Variants in SORBS2 observed in about 807,000 individuals in gnomAD.
SORBS2 encodes sorbin and SH3 domain containing 2.
In SORBS2, 46 loss-of-function variants were observed where a neutral mutation model predicts 97.7. That is an observed-to-expected ratio of 0.47 (90% CI 0.37 to 0.60). SORBS2 has a LOEUF of 0.60. Ranked by LOEUF, SORBS2 falls within the 20% of genes least tolerant of loss-of-function variation. SORBS2 has a pLI of 0.00. For missense variants in SORBS2, 1,316 were observed against 1,282.3 expected (o/e 1.03, Z -0.40); for synonymous variants, 476 against 473.4 (o/e 1.01, Z -0.07).
intron 2 of SORBS2, among the ~76,000 whole-genome samples, chr4:185,681,088 C>A (rs375889356): frequency 6.6e-6 from 1 of 152,064 alleles, no homozygotes; most frequent in Non-Finnish European, 1.5e-5. Flanking sequence ...GCCATTGAGT[C>A]GAACTTCAGG....
At chr4:185,926,465 A>G (rs1419820483) in intron 1 of SORBS2, among the ~76,000 whole-genome samples, 1 of 151,840 alleles carries the variant, frequency 6.6e-6, no homozygotes, top group African/African-American at 2.4e-5. Flanking sequence ...GAGGTGATGG[A>G]AACACTCATA....
At chr4:185,693,751 A>C (rs947751691) in intron 2 of SORBS2, among the ~76,000 whole-genome samples, 3 of 152,232 alleles carry the variant, frequency 2.0e-5, no homozygotes, top group Non-Finnish European at 4.4e-5. Context: ...ATCTGCTGAC[A>C]GACAATAATA....
In SORBS2 at chr4:185,611,762, G is replaced by T. The variant is rs151079975; in HGVS notation, c.2796+18C>A. 8.8e-6 allele frequency: 14 copies of T among 1,596,108 alleles called. No individual in the cohort carries two copies. The African/African-American group carries it at 1.9e-4, about 21-fold the overall frequency. ...GGAGCTTCCAATATTACATTAACAT[G>T]ATAGAGTATGTTCTTACCTTATTTG... On this transcript the variant is annotated intron_variant, in intron 12 of 14. Transcript: ENST00000418609.
intron 1 of SORBS2, among the ~76,000 whole-genome samples, chr4:185,799,486 G>A (rs905429225): frequency 5.9e-5 from 9 of 152,198 alleles, no homozygotes; most frequent in Admixed American, 2.0e-4. Flanking sequence ...GGTAGGACGA[G>A]CATTAGAGTC....
At chr4:185,659,710 C>A (rs780631495), upstream of SORBS2, among the ~76,000 whole-genome samples, 1 of 152,142 alleles carries the variant, frequency 6.6e-6, no homozygotes, top group Non-Finnish European at 1.5e-5. Flanking sequence ...CGTGAGCCAC[C>A]GCGCCCGGCT....
intron 12 of SORBS2, among the ~76,000 whole-genome samples, chr4:185,595,577 A>G (rs1186371864): frequency 6.6e-6 from 1 of 152,176 alleles, no homozygotes; most frequent in Admixed American, 6.5e-5. Context: ...TTTCATGCAG[A>G]AGTAAGATTT....
intron 1 of SORBS2, among the ~76,000 whole-genome samples, chr4:185,885,257 C>A (rs2099238827): frequency 6.6e-6 from 1 of 152,174 alleles, no homozygotes; most frequent in African/African-American, 2.4e-5. Context: ...AACTGCAGAG[C>A]CCAAGGGCGA....
Position 185,623,831 on chromosome 4 carries a change from T to C in SORBS2, c.1298A>G (p.Asp433Gly). ...TTCTAGGGTTACGGGAGACAGCATG[T>C]CATCCCCTAAATTTGGCATGGATTT... is the stretch of plus-strand genomic sequence containing the variant. The change falls in exon 7 of 15, where the codon GAC becomes GGC. Residue 433 changes from aspartate (D) to glycine (G), a missense_variant. By Grantham distance (94) the Asp-to-Gly change is moderately conservative (BLOSUM62 -1). Transcript: ENST00000418609. The surrounding 1 kb of genome is among the most constrained non-coding windows in gnomAD (Gnocchi z 6.4). The C allele has an allele frequency of 6.2e-7, 1 of 1,614,190 alleles. No homozygotes were observed. Among genetic ancestry groups the C allele is most frequent in the East Asian group, 2.2e-5 (1 of 44,878 alleles).
At chr4:185,767,959 G>A (rs1027468986) in intron 2 of SORBS2, among the ~76,000 whole-genome samples, 4 of 152,138 alleles carry the variant, frequency 2.6e-5, no homozygotes, top group East Asian at 1.9e-4. Context: ...CTGAATCTTT[G>A]CTGTCCATCA....
At chr4:185,846,503 A>G (rs1220960941) in intron 1 of SORBS2, among the ~76,000 whole-genome samples, 1 of 152,190 alleles carries the variant, frequency 6.6e-6, no homozygotes, top group Admixed American at 6.5e-5. Flanking sequence ...TTCAAAATTC[A>G]TTTATCTGTA....
Position 185,890,333 on chromosome 4 carries a change from G to A in SORBS2, c.-338+65863C>T, listed in dbSNP as rs537683193. 6.6e-5 allele frequency among the ~76,000 whole-genome samples: 10 copies of A among 152,178 alleles called. No homozygotes were observed. The South Asian group carries it at 2.1e-3, about 32-fold the overall frequency. ...AGCTCTTTACAGTACAGAAGTCACC[G>A]TGGCTAACATCTATGGAATTCTGGT... On this transcript the variant is annotated intron_variant, in intron 1 of 20. Coordinates refer to the SORBS2 transcript ENST00000284776.
chr4:185,696,790 C>T (rs147480303), intron 2 of SORBS2, among the ~76,000 whole-genome samples: 27 of 152,268 alleles, frequency 1.8e-4, no homozygotes, highest in African/African-American at 6.3e-4. Context: ...TCTTAGGGAT[C>T]ATTACGGAAC....
At chr4:185,629,278 G>A (rs1053705798) in intron 5 of SORBS2, among the ~76,000 whole-genome samples, 1 of 152,060 alleles carries the variant, frequency 6.6e-6, no homozygotes, top group African/African-American at 2.4e-5. Flanking sequence ...ACGGCAATCT[G>A]TAGATTAGAT....
intron 1 of SORBS2, among the ~76,000 whole-genome samples, chr4:185,898,383 G>A (rs1003879181): frequency 7.9e-5 from 12 of 152,152 alleles, no homozygotes; most frequent in Admixed American, 7.2e-4. Context: ...AATAAGAAAG[G>A]CTCAAACTAG....
At chr4:185,891,195 C>G (rs1243301778) in intron 1 of SORBS2, among the ~76,000 whole-genome samples, 1 of 152,296 alleles carries the variant, frequency 6.6e-6, no homozygotes, top group African/African-American at 2.4e-5. Flanking sequence ...AGTAAGTGGA[C>G]TTTAGCATCT....
intron 1 of SORBS2, among the ~76,000 whole-genome samples, chr4:185,883,793 A>G (rs1015681715): frequency 4.6e-5 from 7 of 152,242 alleles, no homozygotes; most frequent in Admixed American, 2.6e-4. Context: ...GGCTGCAGTG[A>G]GCTATGATCA....
chr4:185,814,701 C>G (rs941002403), intron 1 of SORBS2, among the ~76,000 whole-genome samples: 1 of 152,262 alleles, frequency 6.6e-6, no homozygotes, highest in Non-Finnish European at 1.5e-5. Flanking sequence ...CCAGTTTGCA[C>G]TGAACCGGAA....
intron 4 of SORBS2, chr4:185,666,029 C>T (rs2097591361): frequency 7.8e-7 from 1 of 1,289,386 alleles, no homozygotes; most frequent in South Asian, 1.2e-5. Context: ...GACCCCACAC[C>T]ATCGGGGGGC....
chr4:185,660,157 A>C (rs892572701), upstream of SORBS2, among the ~76,000 whole-genome samples: 1 of 152,226 alleles, frequency 6.6e-6, no homozygotes, highest in Non-Finnish European at 1.5e-5. Flanking sequence ...AAATCTACTT[A>C]TCAATATATT....
Sources: allele counts gnomAD v4.1 joint callset (sites outside exome capture counted in the v4.1 genomes callset), GRCh38; gene constraint gnomAD v4.1.1; non-coding constraint Gnocchi (gnomAD v3.1); transcripts MANE v1.5; gene names NCBI Gene and HGNC (gene_info 2026-07-23, HGNC 2026-07-21).